The following XYLT1 variants were observed in gnomAD, a reference collection of about 807,000 sequenced individuals.
The protein encoded by XYLT1 is xylosyltransferase 1, also known as beta-D-xylosyltransferase 1.
XYLT1 carries 36 observed loss-of-function variants against 91.3 expected under a neutral mutation model. That is an observed-to-expected ratio of 0.39 (90% confidence interval 0.30 to 0.52). The LOEUF (loss-of-function observed/expected upper bound fraction) is 0.52. XYLT1 is among the 20% of genes least tolerant of loss of function. The pLI, the probability that XYLT1 is intolerant of heterozygous loss-of-function variation, is 0.68. For synonymous variants in XYLT1, 588 were observed against 532.0 expected (o/e 1.11, Z -1.45); for missense variants, 1,242 against 1,284.5 (o/e 0.97, Z 0.51).
chr16:17,235,564 T>A (rs936355), intron 3 of XYLT1, among the ~76,000 whole-genome samples: 86,048 of 151,976 alleles, frequency 0.57, 24,984 homozygotes, highest in Admixed American at 0.67. Flanking sequence ...AGGGACTGTT[T>A]GTTTCTCAGT....
intron 1 of XYLT1, among the ~76,000 whole-genome samples, chr16:17,448,797 GT>G (rs2036627752): frequency 6.6e-6 from 1 of 152,058 alleles, no homozygotes; most frequent in South Asian, 2.1e-4. Flanking sequence ...GCAGCAGCAT[GT>G]TATGGTGCTT....
rs537038817 is a variant in XYLT1, at chr16:17,163,339, C to A, written c.1290-4430G>T. ...ATATGAAGGAAGAGAGGGCAGAGTT[C>A]TCAGGTTCCCATAGCACCCAGGAGC... On this transcript the variant is annotated intron_variant, in intron 5 of 11. Coordinates refer to ENST00000261381, the MANE Select transcript of XYLT1 (RefSeq NM_022166.4). Among the ~76,000 whole-genome samples, 20 of 152,328 alleles carry A rather than the reference C, an allele frequency of 1.3e-4. 1 individual carries two copies. In the South Asian group the frequency reaches 4.1e-3, roughly 32 times the overall value.
At chr16:17,350,453 T>C (rs2035205486) in intron 2 of XYLT1, among the ~76,000 whole-genome samples, 1 of 152,220 alleles carries the variant, frequency 6.6e-6, no homozygotes, top group Admixed American at 6.5e-5. Context: ...CCAGACTCCC[T>C]GTCCATTGAG....
chr16:17,141,055 GGACC>G, intron 7 of XYLT1, 94 bp downstream of exon 7: 2 of 1,183,912 alleles, frequency 1.7e-6, no homozygotes, highest in Admixed American at 1.9e-5. Context: ...CAATGTAGGT[GGACC>G]CAGAATCTCT....
intron 2 of XYLT1, among the ~76,000 whole-genome samples, chr16:17,285,676 C>A (rs2034124714): frequency 6.6e-6 from 1 of 152,198 alleles, no homozygotes; most frequent in East Asian, 1.9e-4. Flanking sequence ...ATTCAAATGA[C>A]CCCTGCCTCT....
At chr16:17,437,735 G>A (rs2036479330) in intron 1 of XYLT1, among the ~76,000 whole-genome samples, 1 of 152,152 alleles carries the variant, frequency 6.6e-6, no homozygotes, top group Non-Finnish European at 1.5e-5. Flanking sequence ...AAATTGTTCT[G>A]GGAGGCAGGA....
Position 17,105,351 on chromosome 16 carries a change from C to T in XYLT1, c.*3344G>A, listed in dbSNP as rs1388825485. The T allele has an allele frequency of 6.6e-6, 1 of 152,176 alleles. No individual in the cohort carries two copies. Among genetic ancestry groups the T allele is most frequent in the African/African-American group, 2.4e-5 (1 of 41,440 alleles). 9.4% of individuals were successfully genotyped at this position (152,176 alleles called of 1,614,324 possible). A position where few individuals can be genotyped will look rare whatever the true frequency, so the allele number is the denominator to read the frequency against. On this transcript the variant is annotated 3_prime_UTR_variant, in exon 12 of 12. Coordinates refer to ENST00000261381, the MANE Select transcript of XYLT1 (RefSeq NM_022166.4). The stretch of plus-strand genomic sequence containing the variant: ...GGTTCTGCTCATCCTCTCTAAACTC[C>T]ATTTGCGTTTTAGAAGTTAAACCCA...
At chr16:17,351,304 T>C (rs1013391345) in intron 2 of XYLT1, among the ~76,000 whole-genome samples, 1 of 152,064 alleles carries the variant, frequency 6.6e-6, no homozygotes, top group Non-Finnish European at 1.5e-5. Context: ...CACGAGGTCA[T>C]GAGTTCGAGA....
chr16:17,225,491 A>T lies in XYLT1; in HGVS notation c.914-24837T>A, dbSNP rs1387088852. Among the ~76,000 whole-genome samples, 6 of 152,100 alleles carry T rather than the reference A, an allele frequency of 3.9e-5. No individual in the cohort carries two copies. The East Asian group carries it at 1.2e-3, about 29-fold the overall frequency. ...CCCTGCTGGTCTGGCTTGTATTACC[A>T]TCAGCAAACCCAGAAAGTTTTCTGC... On this transcript the variant is annotated intron_variant, in intron 3 of 11. Transcript: ENST00000261381.
intron 1 of XYLT1, among the ~76,000 whole-genome samples, chr16:17,426,633 C>T (rs182138091): frequency 4.6e-5 from 7 of 152,292 alleles, no homozygotes; most frequent in Admixed American, 4.6e-4. Context: ...ATCCAGTCTA[C>T]CACCTGTTTC....
At chr16:17,339,410 T>C (rs568604096) in intron 2 of XYLT1, among the ~76,000 whole-genome samples, 1 of 152,334 alleles carries the variant, frequency 6.6e-6, no homozygotes, top group Admixed American at 6.5e-5. Flanking sequence ...GTGGCAGATG[T>C]CTCCAAATAT....
rs549328809 is a variant in XYLT1 at position 17,317,285 on chromosome 16, G to A, written c.402+40727C>T. Among the ~76,000 whole-genome samples the A allele has an allele frequency of 9.2e-5, 14 of 152,138 alleles. No individual in the cohort carries two copies. In the South Asian group the frequency reaches 1.2e-3, roughly 14 times the overall value. On this transcript the variant is annotated intron_variant, in intron 2 of 11. Transcript: ENST00000261381. ...TGAGGCAACCTTTGACATTCTTGAC[G>A]GATGCCCTGGAAGACTGGTAAATGA... is the stretch of plus-strand genomic sequence containing the variant.
chr16:17,271,465 G>C (rs191227490), intron 2 of XYLT1, among the ~76,000 whole-genome samples: 2 of 152,188 alleles, frequency 1.3e-5, no homozygotes, highest in Non-Finnish European at 2.9e-5. Flanking sequence ...CAGAGAGGGA[G>C]ACACACACAC....
chr16:17,133,340 A>C (rs375102880), intron 9 of XYLT1, among the ~76,000 whole-genome samples: 4 of 152,230 alleles, frequency 2.6e-5, no homozygotes, highest in African/African-American at 7.2e-5. Flanking sequence ...CAAGAAAAAG[A>C]AGGAGAGTGA....
intron 3 of XYLT1, among the ~76,000 whole-genome samples, chr16:17,212,062 T>C (rs1395974058): frequency 6.6e-6 from 1 of 152,230 alleles, no homozygotes; most frequent in African/African-American, 2.4e-5. Flanking sequence ...TGAGAACCAC[T>C]GTTCTAGGAC....
At chr16:17,123,446 A>G (rs1222613046) in intron 10 of XYLT1, among the ~76,000 whole-genome samples, 1 of 152,150 alleles carries the variant, frequency 6.6e-6, no homozygotes, top group Non-Finnish European at 1.5e-5. Flanking sequence ...TGAATTCAGG[A>G]GCAAGTTATT....
intron 3 of XYLT1, among the ~76,000 whole-genome samples, chr16:17,216,344 C>T (rs2032860475): frequency 6.6e-6 from 1 of 152,148 alleles, no homozygotes; most frequent in Non-Finnish European, 1.5e-5. Context: ...TCCAACTCTC[C>T]AAGGATTAAG....
chr16:17,370,373 T>TG (rs1312015411), intron 1 of XYLT1, among the ~76,000 whole-genome samples: 2 of 152,200 alleles, frequency 1.3e-5, no homozygotes, highest in Non-Finnish European at 2.9e-5. Context: ...GGGGCGGGGT[T>TG]GGGGGACCCT....
In XYLT1 at chr16:17,200,643, T is replaced by G; in HGVS notation, c.925A>C (p.Lys309Gln). Residue 309 changes from lysine to glutamine, a missense_variant, in exon 4 of 12, where the codon AAG becomes CAG. Lys to Gln is a moderately conservative substitution (Grantham distance 53, BLOSUM62 1). Coordinates refer to ENST00000261381, the MANE Select transcript of XYLT1 (RefSeq NM_022166.4). Reference sequence around the variant, plus strand: ...GAGTCCTCGTCCCACTGCACGTTCTTGTTGGCTTTACCTGGGGAAAATCCA... The same window carrying G: ...GAGTCCTCGTCCCACTGCACGTTCTGGTTGGCTTTACCTGGGGAAAATCCA... ...RFCPLEGKANKNVQWDEDSVE... is the reference protein window; with the variant it reads ...RFCPLEGKANQNVQWDEDSVE... 1 of 1,613,060 alleles carries G rather than the reference T, an allele frequency of 6.2e-7. No individual in the cohort carries two copies. The highest frequency in any genetic ancestry group is 8.5e-7 in the Non-Finnish European group (1 of 1,179,130).
Sources: allele counts gnomAD v4.1 joint callset (sites outside exome capture counted in the v4.1 genomes callset), GRCh38; gene constraint gnomAD v4.1.1; transcripts MANE v1.5; gene names NCBI Gene and HGNC (gene_info 2026-07-23, HGNC 2026-07-21).